NAPA: variants seen among roughly 807,000 people sequenced by gnomAD.
NAPA encodes the protein alpha-soluble NSF attachment protein.
NAPA carries 18 observed loss-of-function variants against 48.0 expected under a neutral mutation model. That is an observed-to-expected ratio of 0.38 (90% CI 0.26 to 0.56). NAPA has a LOEUF of 0.56. Among genes scored for constraint, NAPA ranks in the 20% least tolerant of loss-of-function variants. The pLI, the probability that NAPA is intolerant of heterozygous loss-of-function variation, is 0.77. For missense variants in NAPA, 315 were observed against 385.0 expected, an observed-to-expected ratio of 0.82 and a Z score of 1.52; for synonymous variants, 152 against 149.9, an observed-to-expected ratio of 1.01 and a Z score of -0.10.
rs1482652903 is a variant in NAPA, at chr19:47,506,291, C to A, written c.99-2789G>T. ...GGGATTACAGGCATGAGCCACCGTG[C>A]CCAGCCTGGAATGACTTCTTTAGAA... On this transcript the variant is annotated intron_variant, in intron 1 of 10. Transcript: ENST00000263354. This position sits in a 1 kb window ranked among gnomAD's most constrained non-coding sequence, Gnocchi z 4.0. Among the ~76,000 whole-genome samples the A allele has an allele frequency of 1.3e-5, 2 of 152,138 alleles. No individual in the cohort carries two copies. Among genetic ancestry groups the A allele is most frequent in the East Asian group, 1.9e-4 (1 of 5,192 alleles).
chr19:47,485,824 T>A (rs1968057489), downstream of NAPA, among the ~76,000 whole-genome samples: 1 of 152,202 alleles, frequency 6.6e-6, no homozygotes, highest in Non-Finnish European at 1.5e-5. Context: ...GCTGCTGTAT[T>A]CCCAGGGCCT....
chr19:47,506,309 C>T lies in NAPA; in HGVS notation c.99-2807G>A, dbSNP rs1156285773. 1.3e-5 allele frequency among the ~76,000 whole-genome samples: 2 copies of T among 152,064 alleles called. No homozygotes were observed. Among genetic ancestry groups the T allele is most frequent in the East Asian group, 3.9e-4 (2 of 5,176 alleles). On this transcript the variant is annotated intron_variant, in intron 1 of 10. Transcript: ENST00000263354. The surrounding 1 kb of genome is among the most constrained non-coding windows in gnomAD (Gnocchi z 4.0). The stretch of plus-strand genomic sequence containing the variant: ...CACCGTGCCCAGCCTGGAATGACTT[C>T]TTTAGAACCCATTCCTGGCCTTGGA...
At chr19:47,492,784 A>G in intron 7 of NAPA, 177 bp downstream of exon 7, 1 of 711,468 alleles carries the variant, frequency 1.4e-6, no homozygotes, top group Non-Finnish European at 2.5e-6. Flanking sequence ...TCGTAGGTGG[A>G]GAACATTCAG....
At chr19:47,508,717 G>C (rs1342680974) in intron 1 of NAPA, among the ~76,000 whole-genome samples, 2 of 151,574 alleles carry the variant, frequency 1.3e-5, no homozygotes, top group South Asian at 2.1e-4. Flanking sequence ...TGCCTACACT[G>C]GTCTCGAACT....
chr19:47,491,904 G>A (rs1968276184), intron 8 of NAPA, 111 bp downstream of exon 8: 5 of 925,384 alleles, frequency 5.4e-6, no homozygotes, highest in Non-Finnish European at 6.7e-6. Context: ...TGGCTGGCAG[G>A]GGCCAGACGT....
intron 1 of NAPA, among the ~76,000 whole-genome samples, chr19:47,507,913 G>T (rs932174891): frequency 5.3e-5 from 8 of 152,138 alleles, no homozygotes; most frequent in African/African-American, 1.9e-4. Flanking sequence ...GGGCCCTGGG[G>T]ATCCAGTCCT....
chr19:47,490,719 C>T, intron 9 of NAPA, 69 bp downstream of exon 9: 1 of 1,357,822 alleles, frequency 7.4e-7, no homozygotes, highest in Non-Finnish European at 1.0e-6. Context: ...TGGCGATTGT[C>T]CCACCTGGAG....
At chr19:47,492,217 A>G (rs1426080498) in intron 7 of NAPA, 98 bp from the exon 8 acceptor site, 1 of 1,092,218 alleles carries the variant, frequency 9.2e-7, no homozygotes, top group Admixed American at 2.0e-5. Flanking sequence ...GAGCTGGTTC[A>G]TGTCCCGAGG....
rs1968550388 is a variant in NAPA, at chr19:47,500,572, AT to A, written c.295+60del. 3 of 1,372,378 alleles carry A rather than the reference AT, an allele frequency of 2.2e-6. No homozygotes were observed. The South Asian group carries it at 4.2e-5, about 19-fold the overall frequency. The allele number at this position is 1,372,378 out of a possible 1,614,324, so 85.0% of individuals were successfully genotyped here. A position where few individuals can be genotyped will look rare whatever the true frequency, so the allele number is the denominator to read the frequency against. Reference sequence around the variant, plus strand: ...AGCCGCCAGGAAACCTGAGGAATCAATGCAGGGTGCTAGGATGGCGCTCCGG... The same window carrying A: ...AGCCGCCAGGAAACCTGAGGAATCAAGCAGGGTGCTAGGATGGCGCTCCGG... On this transcript the variant is annotated intron_variant, in intron 3 of 10. Coordinates refer to ENST00000263354, the MANE Select transcript of NAPA (RefSeq NM_003827.4).
chr19:47,489,637 G>T, intron 10 of NAPA, 74 bp downstream of exon 10: 1 of 1,500,808 alleles, frequency 6.7e-7, no homozygotes, highest in Admixed American at 1.7e-5. Flanking sequence ...CATGGAGAGC[G>T]TGTCTGAGAA....
chr19:47,489,886 G>T, intron 9 of NAPA, 125 bp from the exon 10 acceptor site: 1 of 911,480 alleles, frequency 1.1e-6, no homozygotes, highest in Non-Finnish European at 1.7e-6. Flanking sequence ...GACTCTCAGA[G>T]GGTCAATCCG....
chr19:47,485,936 A>T (rs1968061605), downstream of NAPA, among the ~76,000 whole-genome samples: 1 of 152,200 alleles, frequency 6.6e-6, no homozygotes, highest in Non-Finnish European at 1.5e-5. Context: ...CCGCCCTAGT[A>T]ACCTATAAGC....
intron 7 of NAPA, 114 bp downstream of exon 7, chr19:47,492,847 G>A (rs374965130): frequency 4.1e-6 from 4 of 978,616 alleles, no homozygotes; most frequent in African/African-American, 1.6e-5. Flanking sequence ...TCGGGGGAGA[G>A]GCAGAGGGTG....
Position 47,493,465 on chromosome 19 carries a change from T to C in NAPA, c.371A>G (p.His124Arg), listed in dbSNP as rs764056505. ...CTCATAGATCTCAGCAATGGAGATG[T>C]GGTGCTTGGCCGCAATCGTGAATCG... is the stretch of plus-strand genomic sequence containing the variant. Reference protein sequence around the residue: ...MGRFTIAAKHHISIAEIYETE... With the variant: ...MGRFTIAAKHRISIAEIYETE... Residue 124 changes from histidine to arginine, a missense_variant, in exon 5 of 11, where the codon CAC becomes CGC. Coordinates refer to ENST00000263354, the MANE Select transcript of NAPA (RefSeq NM_003827.4). The surrounding 1 kb of genome is among the most constrained non-coding windows in gnomAD (Gnocchi z 6.4). The C allele has an allele frequency of 6.3e-5, 101 of 1,613,892 alleles. No homozygotes were observed. The highest frequency in any genetic ancestry group is 6.8e-6 in the Non-Finnish European group (8 of 1,179,998).
At chr19:47,500,597 G>A (rs538250773) in intron 3 of NAPA, 36 bp downstream of exon 3, 30 of 1,549,386 alleles carry the variant, frequency 1.9e-5, no homozygotes, top group African/African-American at 5.5e-5. Context: ...ATGGCGCTCC[G>A]GACAGCCAGC....
intron 9 of NAPA, among the ~76,000 whole-genome samples, chr19:47,490,425 TGTGTG>T (rs768553686): frequency 9.6e-6 from 1 of 104,554 alleles, no homozygotes; most frequent in African/African-American, 3.9e-5. Flanking sequence ...TGGTGTGATG[TGTGTG>T]GTGTGGTGTG....
Position 47,506,359 on chromosome 19 carries a change from C to A in NAPA, c.99-2857G>T, listed in dbSNP as rs1419745036. Among the ~76,000 whole-genome samples the A allele has an allele frequency of 1.3e-5, 2 of 152,166 alleles. No individual in the cohort carries two copies. The highest frequency in any genetic ancestry group is 3.8e-4 in the East Asian group (2 of 5,202). On this transcript the variant is annotated intron_variant, in intron 1 of 10. Transcript: ENST00000263354. This position sits in a 1 kb window ranked among gnomAD's most constrained non-coding sequence, Gnocchi z 4.0. The stretch of plus-strand genomic sequence containing the variant: ...AGAGGTAAGAAACTTTCAAAACCTT[C>A]TGGCTGAGAATCCTGAAGGGTCCTT...
At chr19:47,503,299 C>CGAT in intron 2 of NAPA, 124 bp downstream of exon 2, 1 of 865,818 alleles carries the variant, frequency 1.2e-6, no homozygotes, top group Non-Finnish European at 1.9e-6. Context: ...AGTGGCTTTC[C>CGAT]GATGCCGGAG....
intron 1 of NAPA, among the ~76,000 whole-genome samples, chr19:47,508,130 A>G (rs181055364): frequency 6.6e-6 from 1 of 152,274 alleles, no homozygotes; most frequent in African/African-American, 2.4e-5. Flanking sequence ...TCCTCTAGGC[A>G]AAGGAGTATG....
Sources: gnomAD v4.1 joint callset for allele counts (sites outside exome capture counted in the v4.1 genomes callset) on GRCh38, gnomAD v4.1.1 for gene constraint, Gnocchi (gnomAD v3.1) non-coding constraint, MANE v1.5 for transcripts, NCBI Gene and HGNC (gene_info 2026-07-23, HGNC 2026-07-21) for gene names.